Variants in PLCB1 observed in about 807,000 individuals in gnomAD.
PLCB1 encodes the protein 1-phosphatidylinositol 4,5-bisphosphate phosphodiesterase beta-1.
Under a neutral mutation model 161.8 loss-of-function variants are expected in PLCB1, and 46 were observed. The ratio of observed to expected loss-of-function variants is 0.28; its 90% CI spans 0.22 to 0.36. PLCB1 has a LOEUF of 0.36. Among genes scored for constraint, PLCB1 ranks in the 10% least tolerant of loss-of-function variants. The pLI is 1.00. For synonymous variants in PLCB1, 517 were observed against 503.7 expected (o/e 1.03, Z -0.35); for missense variants, 1,016 against 1,472.5 (o/e 0.69, Z 5.07).
At chr20:8,362,281 A>G (rs543197803) in intron 2 of PLCB1, among the ~76,000 whole-genome samples, 3 of 152,308 alleles carry the variant, frequency 2.0e-5, no homozygotes, top group African/African-American at 7.2e-5. Context: ...TTTAATGTCA[A>G]CCTAATAAGT....
intron 3 of PLCB1, among the ~76,000 whole-genome samples, chr20:8,571,423 A>T (rs966542441): frequency 2.6e-5 from 4 of 152,214 alleles, no homozygotes; most frequent in Non-Finnish European, 5.9e-5. Flanking sequence ...CAGAGGCTGC[A>T]GTGAGCTGAG....
At chr20:8,143,997 C>A (rs1339878941) in intron 1 of PLCB1, among the ~76,000 whole-genome samples, 1 of 152,116 alleles carries the variant, frequency 6.6e-6, no homozygotes, top group Non-Finnish European at 1.5e-5. Context: ...GTAGTGACAA[C>A]CAAAATTGTC....
chr20:8,851,737 T>C (rs939225557), intron 31 of PLCB1, among the ~76,000 whole-genome samples: 2 of 151,644 alleles, frequency 1.3e-5, no homozygotes, highest in African/African-American at 4.9e-5. Context: ...ATTTTTTTCA[T>C]TTTTTTTCAT....
rs762431785 is a variant in PLCB1 at position 8,132,705 on chromosome 20, G to A, written c.54G>A (p.Val18=). The change falls in exon 1 of 32, where the codon GTG becomes GTA. Residue 18 remains valine, a synonymous_variant. Coordinates refer to ENST00000338037, the MANE Select transcript of PLCB1 (RefSeq NM_015192.4). This position sits in a 1 kb window ranked among gnomAD's most constrained non-coding sequence, Gnocchi z 5.2. ...VHALQLKPVC[V]SDSLKKGTKF... ...CCTTGCAACTCAAGCCCGTGTGCGT[G>A]TCCGACAGCCTCAAGAAGGGCACCA... 1.9e-5 allele frequency: 30 copies of A among 1,613,082 alleles called. No homozygotes were observed. The highest frequency in any genetic ancestry group is 1.7e-4 in the Middle Eastern group (1 of 6,050).
chr20:8,496,139 A>C (rs1469151032), intron 3 of PLCB1, among the ~76,000 whole-genome samples: 1 of 152,138 alleles, frequency 6.6e-6, no homozygotes, highest in Non-Finnish European at 1.5e-5. Flanking sequence ...GAGAGGCTTA[A>C]TTTTATACAG....
At chr20:8,725,572 A>G (rs143654786) in intron 16 of PLCB1, among the ~76,000 whole-genome samples, 24 of 152,282 alleles carry the variant, frequency 1.6e-4, no homozygotes, top group African/African-American at 5.3e-4. Flanking sequence ...ACTTAGTGGT[A>G]TATGCAACCT....
chr20:8,135,153 C>G (rs1159343797), intron 1 of PLCB1, among the ~76,000 whole-genome samples: 1 of 152,164 alleles, frequency 6.6e-6, no homozygotes, highest in East Asian at 1.9e-4. Context: ...GATCTTGAAT[C>G]AAAGGCCTGA....
intron 2 of PLCB1, among the ~76,000 whole-genome samples, chr20:8,219,222 G>A (rs746982888): frequency 6.6e-6 from 1 of 152,174 alleles, no homozygotes; most frequent in Non-Finnish European, 1.5e-5. Context: ...TGCATATGCT[G>A]TTAGAATAAC....
At chr20:8,442,329 C>T (rs573371192) in intron 3 of PLCB1, among the ~76,000 whole-genome samples, 1 of 152,322 alleles carries the variant, frequency 6.6e-6, no homozygotes, top group South Asian at 2.1e-4. Context: ...GGGTGGCTCT[C>T]TGCTTCCAAG....
chr20:8,188,312 A>T (rs1284134858), intron 2 of PLCB1, among the ~76,000 whole-genome samples: 3 of 152,162 alleles, frequency 2.0e-5, no homozygotes, highest in Admixed American at 1.3e-4. Flanking sequence ...GCCAAGCCCA[A>T]CATCAAATGG....
chr20:8,754,364 T>C (rs1478051594), intron 23 of PLCB1, among the ~76,000 whole-genome samples: 3 of 147,048 alleles, frequency 2.0e-5, no homozygotes, highest in Non-Finnish European at 4.5e-5. Flanking sequence ...ACCTCCAGTC[T>C]AACACCTCAA....
intron 2 of PLCB1, among the ~76,000 whole-genome samples, chr20:8,344,842 G>A (rs571394542): frequency 3.3e-5 from 5 of 152,346 alleles, no homozygotes; most frequent in African/African-American, 1.2e-4. Flanking sequence ...AGTGTTTGCT[G>A]CAAGCAAATG....
At chr20:8,388,525 C>G (rs1324807146) in intron 3 of PLCB1, among the ~76,000 whole-genome samples, 1 of 152,162 alleles carries the variant, frequency 6.6e-6, no homozygotes, top group Non-Finnish European at 1.5e-5. Flanking sequence ...GAAGAAAACT[C>G]TTTACACAAC....
intron 2 of PLCB1, among the ~76,000 whole-genome samples, chr20:8,219,219 G>A (rs1441626196): frequency 6.6e-6 from 1 of 152,182 alleles, no homozygotes; most frequent in Admixed American, 6.6e-5. Flanking sequence ...AGATGCATAT[G>A]CTGTTAGAAT....
chr20:8,363,223 A>G (rs1022215021), intron 2 of PLCB1, among the ~76,000 whole-genome samples: 1 of 152,198 alleles, frequency 6.6e-6, no homozygotes, highest in Admixed American at 6.5e-5. Flanking sequence ...GCTTAAAACA[A>G]CAAACATTTA....
intron 3 of PLCB1, among the ~76,000 whole-genome samples, chr20:8,521,611 G>A (rs1372030062): frequency 3.3e-5 from 5 of 152,052 alleles, no homozygotes; most frequent in Non-Finnish European, 7.4e-5. Context: ...GGCTGAGGTG[G>A]GAGAATCACT....
chr20:8,347,468 A>G (rs1456081178), intron 2 of PLCB1, among the ~76,000 whole-genome samples: 2 of 152,178 alleles, frequency 1.3e-5, no homozygotes, highest in Non-Finnish European at 2.9e-5. Flanking sequence ...ACAGACTCCA[A>G]TTGGAGCTAG....
At chr20:8,425,019 T>C (rs1412447911) in intron 3 of PLCB1, among the ~76,000 whole-genome samples, 1 of 152,026 alleles carries the variant, frequency 6.6e-6, no homozygotes, top group East Asian at 1.9e-4. Flanking sequence ...ATCGGTCTGA[T>C]TGGTTGCAGA....
At chr20:8,286,019 C>T (rs953661759) in intron 2 of PLCB1, among the ~76,000 whole-genome samples, 5 of 152,144 alleles carry the variant, frequency 3.3e-5, no homozygotes, top group Non-Finnish European at 7.3e-5. Context: ...AGAAGCATAG[C>T]ATAAGAGAAA....
Sources: gnomAD v4.1 joint callset for allele counts (sites outside exome capture counted in the v4.1 genomes callset) on GRCh38, gnomAD v4.1.1 for gene constraint, Gnocchi (gnomAD v3.1) non-coding constraint, MANE v1.5 for transcripts, NCBI Gene and HGNC (gene_info 2026-07-23, HGNC 2026-07-21) for gene names.